The following BRAT1 variants were observed in gnomAD, a reference collection of about 807,000 sequenced individuals.
BRAT1 encodes the protein integrator complex assembly factor BRAT1.
In BRAT1, 74 loss-of-function variants were observed where a neutral mutation model predicts 70.6. The observed-to-expected ratio is 1.05, with a 90% CI of 0.87 to 1.27. The LOEUF (loss-of-function observed/expected upper bound fraction) is 1.27. Among genes scored for constraint, BRAT1 ranks in the 50% most tolerant of loss-of-function variants. BRAT1 has a pLI of 0.00. For missense variants in BRAT1, 1,203 were observed against 1,098.2 expected, an observed-to-expected ratio of 1.10 and a Z score of -1.35; for synonymous variants, 615 against 517.1, an observed-to-expected ratio of 1.19 and a Z score of -2.57.
intron 2 of BRAT1, among the ~76,000 whole-genome samples, chr7:2,550,828 T>G (rs965212074): frequency 6.6e-6 from 1 of 152,206 alleles, no homozygotes; most frequent in Non-Finnish European, 1.5e-5. Flanking sequence ...CTAAGAACTG[T>G]TGAATTGGTA....
intron 2 of BRAT1, among the ~76,000 whole-genome samples, chr7:2,553,763 C>T (rs907490804): frequency 1.3e-5 from 2 of 151,928 alleles, no homozygotes; most frequent in African/African-American, 4.8e-5. Context: ...CCCATCTCAG[C>T]CTCCAGAGTA....
intron 2 of BRAT1, among the ~76,000 whole-genome samples, chr7:2,548,330 G>C (rs1014194275): frequency 3.3e-5 from 5 of 152,108 alleles, no homozygotes; most frequent in African/African-American, 1.2e-4. Flanking sequence ...AAAGAATGTG[G>C]TTCAGTAAGG....
chr7:2,546,911 ACTC>A (rs1562585564), intron 3 of BRAT1, among the ~76,000 whole-genome samples: 2 of 151,634 alleles, frequency 1.3e-5, no homozygotes, highest in Non-Finnish European at 2.9e-5. Flanking sequence ...CGCAGCTACG[ACTC>A]CTGTCTCCGT....
At chr7:2,542,481 G>C in intron 6 of BRAT1, 1 of 527,570 alleles carries the variant, frequency 1.9e-6, no homozygotes, top group Non-Finnish European at 3.4e-6. Flanking sequence ...CACCCAGAGA[G>C]AGGGGCAGTG....
intron 3 of BRAT1, among the ~76,000 whole-genome samples, chr7:2,546,947 G>A (rs541489051): frequency 3.3e-5 from 5 of 151,750 alleles, no homozygotes; most frequent in East Asian, 1.9e-4. Flanking sequence ...CGGGGGCCAC[G>A]GGGCAGCTAC....
chr7:2,537,929 G>T lies in BRAT1; in HGVS notation c.*140C>A. The T allele has an allele frequency of 1.5e-6, 2 of 1,309,634 alleles. No individual in the cohort carries two copies. The highest frequency in any genetic ancestry group is 2.7e-5 in the East Asian group (1 of 36,666). The allele number at this position is 1,309,634 out of a possible 1,614,324, so 81.1% of individuals were successfully genotyped here. On this transcript the variant is annotated 3_prime_UTR_variant, in exon 14 of 14. Coordinates refer to ENST00000340611, the MANE Select transcript of BRAT1 (RefSeq NM_152743.4). ...AATACATCAAACTGTGGGATTTCTT[G>T]ACCTTGCTTCTCTCCTGGTCCTGGC...
In BRAT1 at chr7:2,554,389, C is replaced by T. The variant is rs1255001252; in HGVS notation, c.43G>A (p.Val15Ile). The T allele has an allele frequency of 2.5e-6, 4 of 1,614,044 alleles. No individual in the cohort carries two copies. In the South Asian group the frequency reaches 3.3e-5, roughly 13 times the overall value. ...CAQLLPALCA[V>I]LVDPRQPVAD... is the part of the protein sequence containing the mutation. Reference sequence around the variant, plus strand: ...ACCGGCTGCCTGGGATCTACCAGAACAGCACAGAGAGCCGGGAGCAGCTGG... The same window carrying T: ...ACCGGCTGCCTGGGATCTACCAGAATAGCACAGAGAGCCGGGAGCAGCTGG... Residue 15 changes from valine to isoleucine, a missense_variant, in exon 2 of 14, where the codon GTT (valine) becomes ATT (isoleucine). Transcript: ENST00000340611.
Position 2,538,011 on chromosome 7 carries a change from G to T in BRAT1, c.*58C>A. 1 of 1,480,714 alleles carries T rather than the reference G, an allele frequency of 6.8e-7. No individual in the cohort carries two copies. The highest frequency in any genetic ancestry group is 9.0e-7 in the Non-Finnish European group (1 of 1,117,106). The allele number at this position is 1,480,714 out of a possible 1,614,324, so 91.7% of individuals were successfully genotyped here. A position where few individuals can be genotyped will look rare whatever the true frequency, so the allele number is the denominator to read the frequency against. ...GCCCTGGGGCTGGCAGTGTCCCACAGAAGGACATGGTGCTGCCTCCCTTGG... is the reference window on the plus strand; with the variant it reads ...GCCCTGGGGCTGGCAGTGTCCCACATAAGGACATGGTGCTGCCTCCCTTGG... On this transcript the variant is annotated 3_prime_UTR_variant, in exon 14 of 14. Transcript: ENST00000340611.
At chr7:2,550,535 A>G (rs1042824502) in intron 2 of BRAT1, among the ~76,000 whole-genome samples, 16 of 151,722 alleles carry the variant, frequency 1.1e-4, no homozygotes, top group African/African-American at 3.9e-4. Context: ...TAAAGCGAAA[A>G]AAAAAAAAAG....
rs1212135498 is a variant in BRAT1 at position 2,538,083 on chromosome 7, C to T, written c.2452G>A (p.Ala818Thr). 1 of 1,571,882 alleles carries T rather than the reference C, an allele frequency of 6.4e-7. No individual in the cohort carries two copies. The change falls in exon 14 of 14, where the codon GCC (alanine) becomes ACC (threonine). Residue 818 changes from alanine (A) to threonine (T), a missense_variant. Ala to Thr is a moderately conservative substitution (Grantham distance 58, BLOSUM62 0). Coordinates refer to ENST00000340611, the MANE Select transcript of BRAT1 (RefSeq NM_152743.4). Reference protein sequence around the residue: ...ATGGFLQGDEADCY With the variant: ...ATGGFLQGDETDCY Reference sequence around the variant, plus strand: ...TCTGGTTCTGCTCAGTAGCAGTCGGCCTCGTCCCCCTGCAGGAAGCCTCCC... The same window carrying T: ...TCTGGTTCTGCTCAGTAGCAGTCGGTCTCGTCCCCCTGCAGGAAGCCTCCC...
intron 1 of BRAT1, among the ~76,000 whole-genome samples, chr7:2,555,009 G>A (rs1780312393): frequency 6.6e-6 from 1 of 151,592 alleles, no homozygotes; most frequent in Admixed American, 6.6e-5. Flanking sequence ...CTGTTCTGCA[G>A]CCAGTAGGAG....
rs368808380 is a variant in BRAT1, at chr7:2,541,034, G to A, written c.1340C>T (p.Thr447Met). The A allele has an allele frequency of 7.3e-5, 115 of 1,570,976 alleles. 1 individual carries two copies. The highest frequency in any genetic ancestry group is 3.8e-4 in the Middle Eastern group (2 of 5,202). ...CTCCAGGAGGACAGCAAGCGCCTGC[G>A]TCACCAGCTCCTGGGGGCCTGAGAC... ...SQGTGPQELVTQALAVLLECL... is the reference protein window; with the variant it reads ...SQGTGPQELVMQALAVLLECL... The change falls in exon 10 of 14, where the codon ACG becomes ATG. Residue 447 changes from threonine to methionine, a missense_variant. Thr to Met is a moderately conservative substitution (Grantham distance 81). Coordinates refer to ENST00000340611, the MANE Select transcript of BRAT1 (RefSeq NM_152743.4).
chr7:2,538,450 G>C lies in BRAT1; in HGVS notation c.2085C>G (p.Leu695=), dbSNP rs756636860. 1 of 1,613,146 alleles carries C rather than the reference G, an allele frequency of 6.2e-7. No homozygotes were observed. Among genetic ancestry groups the C allele is most frequent in the Admixed American group, 1.7e-5 (1 of 60,030 alleles). The stretch of plus-strand genomic sequence containing the variant: ...CGAAGTCAAAGAGCCCCACGTGGCA[G>C]AGAGCCCTCAGTGCCTCGGTGAGTG... The part of the protein sequence containing the change: ...AQPLTEALRA[L]CHVGLFDFAF... Residue 695 remains leucine (L), a synonymous_variant, in exon 14 of 14, where the codon CTC becomes CTG. Transcript: ENST00000340611.
rs1181302197 is a variant in BRAT1 at position 2,538,569 on chromosome 7, C to G, written c.1966G>C (p.Glu656Gln). ...LDWEVRAQGL[E>Q]LALVFLGQTL... ...TGGCCCAGGAACACGAGGGCCAGCT[C>G]CAGGCCCTGGGCGCGGACCTCCCAG... Residue 656 changes from glutamate to glutamine, a missense_variant, in exon 14 of 14, where the codon GAG becomes CAG. Physicochemically the swap from Glu to Gln is conservative, Grantham distance 29. Transcript: ENST00000340611. The G allele has an allele frequency of 1.3e-6, 2 of 1,599,900 alleles. No individual in the cohort carries two copies. The highest frequency in any genetic ancestry group is 2.7e-5 in the African/African-American group (2 of 74,818).
At position 2,538,152 on chromosome 7, in the gene BRAT1, C is replaced by T. The variant is rs766445982; in HGVS notation, c.2383G>A (p.Val795Met). 20 of 1,608,758 alleles carry T rather than the reference C, an allele frequency of 1.2e-5. No individual in the cohort carries two copies. The highest frequency in any genetic ancestry group is 4.5e-5 in the East Asian group (2 of 44,748). The change falls in exon 14 of 14, where the codon GTG (valine) becomes ATG (methionine). Residue 795 changes from valine (V) to methionine (M), a missense_variant. Val to Met is a conservative substitution (Grantham distance 21). Transcript: ENST00000340611. ...AGGAGGGACTGGGGACTCTTTTCCA[C>T]GTGGTCGCTGCTCTCGGCCAGCGTG... Reference protein sequence around the residue: ...RSTLAESSDHVEKSPQSLLQD... With the variant: ...RSTLAESSDHMEKSPQSLLQD...
Position 2,538,202 on chromosome 7 carries a change from G to C in BRAT1, c.2333C>G (p.Ser778Cys). ...GCTCCGCAGGCCCTCCAGGTCTAGG[G>C]ACCTGAGCATGGCCAGCACAGCCTC... ...EPEAVLAMLRSLDLEGLRSTL... is the reference protein window; with the variant it reads ...EPEAVLAMLRCLDLEGLRSTL... The change falls in exon 14 of 14, where the codon TCC (serine) becomes TGC (cysteine). Residue 778 changes from serine to cysteine, a missense_variant. Ser to Cys is a moderately radical substitution (Grantham distance 112). Coordinates refer to ENST00000340611, the MANE Select transcript of BRAT1 (RefSeq NM_152743.4). 1 of 1,609,998 alleles carries C rather than the reference G, an allele frequency of 6.2e-7. No individual in the cohort carries two copies. Among genetic ancestry groups the C allele is most frequent in the South Asian group, 1.1e-5 (1 of 91,030 alleles).
Position 2,543,840 on chromosome 7 carries a change from A to G in BRAT1, c.553T>C (p.Cys185Arg). 6.2e-7 allele frequency: 1 copy of G among 1,612,940 alleles called. No individual in the cohort carries two copies. Among genetic ancestry groups the G allele is most frequent in the Non-Finnish European group, 8.5e-7 (1 of 1,179,930 alleles). Residue 185 changes from cysteine to arginine, a missense_variant, in exon 5 of 14, where the codon TGC becomes CGC. By Grantham distance (180) the Cys-to-Arg change is radical. Coordinates refer to ENST00000340611, the MANE Select transcript of BRAT1 (RefSeq NM_152743.4). The surrounding 1 kb of genome is among the most constrained non-coding windows in gnomAD (Gnocchi z 5.5). Reference protein sequence around the residue: ...SMRGGAEGQPCLPGGDWPACA... With the variant: ...SMRGGAEGQPRLPGGDWPACA... ...GCGGGCCAGTCACCCCCCGGCAGGC[A>G]GGGCTGCCCCTCGGCTCCACCTCGC... is the stretch of plus-strand genomic sequence containing the variant.
Position 2,539,429 on chromosome 7 carries a change from G to C in BRAT1, c.1598-78C>G, listed in dbSNP as rs1165269769. On this transcript the variant is annotated intron_variant, in intron 12 of 13. Transcript: ENST00000340611. ...CCTCGGCCTCTGCCTCCATCCCCTT[G>C]TGGGCAGCCGACATGGCCCAAGTTT... 5 of 1,521,884 alleles carry C rather than the reference G, an allele frequency of 3.3e-6. No individual in the cohort carries two copies. In the African/African-American group the frequency reaches 6.9e-5, roughly 21 times the overall value. 94.3% of individuals were successfully genotyped at this position (1,521,884 alleles called of 1,614,324 possible).
chr7:2,547,405 G>A lies in BRAT1; in HGVS notation c.201C>T (p.Asp67=), dbSNP rs956503530. 3 of 1,613,962 alleles carry A rather than the reference G, an allele frequency of 1.9e-6. No homozygotes were observed. The highest frequency in any genetic ancestry group is 2.5e-6 in the Non-Finnish European group (3 of 1,180,036). ...AGAAGGAGAGGACCCCAGAACTCAG[G>A]TCCTGGACTTTCAGCACATGGGACA... ...ELLSHVLKVQ[D]LSSGVLSFSL... is the part of the protein sequence containing the mutation. Residue 67 remains aspartate, a synonymous_variant, in exon 3 of 14, where the codon GAC becomes GAT. Coordinates refer to ENST00000340611, the MANE Select transcript of BRAT1 (RefSeq NM_152743.4).
Sources: allele counts gnomAD v4.1 joint callset (sites outside exome capture counted in the v4.1 genomes callset), GRCh38; gene constraint gnomAD v4.1.1; non-coding constraint Gnocchi (gnomAD v3.1); transcripts MANE v1.5; gene names NCBI Gene and HGNC (gene_info 2026-07-23, HGNC 2026-07-21).